MICB: variants seen among roughly 807,000 people sequenced by gnomAD.
The protein encoded by MICB is MHC class I antigen-related protein B.
In MICB, 27 loss-of-function variants were observed where a neutral mutation model predicts 34.3. That is an observed-to-expected ratio of 0.79 (90% CI 0.58 to 1.08). The LOEUF is 1.08. Ranked by LOEUF, MICB falls within the 50% of genes least tolerant of loss-of-function variation. The probability of loss-of-function intolerance (pLI) is 0.00; values close to 1 mark genes in which losing one functional copy is unlikely to be tolerated. For synonymous variants in MICB, 153 were observed against 187.4 expected (o/e 0.82, Z 1.50); for missense variants, 426 against 483.1 (o/e 0.88, Z 1.11).
At chr6:31,503,949 C>CTGTGTG (rs9279324) in intron 1 of MICB, among the ~76,000 whole-genome samples, 1,877 of 97,504 alleles carry the variant, frequency 0.019, 20 homozygotes, top group South Asian at 0.068. Flanking sequence ...GCCAAACTTG[C>CTGTGTG]TGTGTGTGTG....
intron 1 of MICB, among the ~76,000 whole-genome samples, chr6:31,499,078 G>C (rs1162129551): frequency 6.6e-6 from 1 of 152,066 alleles, no homozygotes; most frequent in Non-Finnish European, 1.5e-5. Flanking sequence ...CCTTTCTTGG[G>C]ACCCGGAGGT....
upstream of MICB, chr6:31,498,121 C>T (rs1208510811): frequency 1.1e-5 from 15 of 1,315,344 alleles, no homozygotes; most frequent in Middle Eastern, 1.9e-4. Context: ...GACTAAATTT[C>T]GACGGGGTCT....
At chr6:31,496,748 T>C (rs1764690516), upstream of MICB, 1 of 152,550 alleles carries the variant, frequency 6.6e-6, no homozygotes, top group Non-Finnish European at 1.5e-5. Context: ...CTATAACTGG[T>C]TGTGATCAAT....
rs1765423819 is a variant in MICB, at chr6:31,507,503, G to C, written c.996G>C (p.Lys332Asn). The change falls in exon 5 of 6, where the codon AAG becomes AAC. Residue 332 changes from lysine to asparagine, a missense_variant. Physicochemically the swap from Lys to Asn is moderately conservative, Grantham distance 94 (BLOSUM62 0). Transcript: ENST00000252229. The surrounding 1 kb of genome is among the most constrained non-coding windows in gnomAD (Gnocchi z 6.0). ...IIIILCVPCCKKKTSAAEGPE... is the reference protein window; with the variant it reads ...IIIILCVPCCNKKTSAAEGPE... ...TTATTCTCTGTGTCCCTTGTTGCAAGAAGAAAACATCAGCGGCAGAGGGTC... is the reference window on the plus strand; with the variant it reads ...TTATTCTCTGTGTCCCTTGTTGCAACAAGAAAACATCAGCGGCAGAGGGTC... 9 of 1,614,212 alleles carry C rather than the reference G, an allele frequency of 5.6e-6. No individual in the cohort carries two copies. Among genetic ancestry groups the C allele is most frequent in the Non-Finnish European group, 7.6e-6 (9 of 1,180,030 alleles).
upstream of MICB, chr6:31,498,032 G>A: frequency 2.4e-6 from 1 of 410,792 alleles, no homozygotes; most frequent in Non-Finnish European, 4.3e-6. Context: ...ACGTGGCCCC[G>A]CCCTCTCCAC....
In MICB at chr6:31,498,181, C is replaced by A; in HGVS notation, c.-13C>A. ...CACTGCTGAGCAGCTGAGAAGGTGG[C>A]GACGTAGGGGCCATGGGGCTGGGCC... On this transcript the variant is annotated 5_prime_UTR_variant, in exon 1 of 6. Coordinates refer to ENST00000252229, the MANE Select transcript of MICB (RefSeq NM_005931.5). The A allele has an allele frequency of 6.4e-7, 1 of 1,574,046 alleles. No homozygotes were observed.
chr6:31,495,933 G>A (rs1380921805), upstream of MICB, among the ~76,000 whole-genome samples: 1 of 152,070 alleles, frequency 6.6e-6, no homozygotes, highest in African/African-American at 2.4e-5. Context: ...TCAAGACAGG[G>A]CACAGTCGGT....
At chr6:31,506,687 G>A (rs954761242) in intron 3 of MICB, among the ~76,000 whole-genome samples, 1 of 152,174 alleles carries the variant, frequency 6.6e-6, no homozygotes, top group Non-Finnish European at 1.5e-5. Flanking sequence ...GAGTTAGGCA[G>A]GAGAGGAAGC....
intron 3 of MICB, 136 bp from the exon 4 acceptor site, chr6:31,506,886 G>A (rs1765366212): frequency 2.9e-6 from 4 of 1,401,086 alleles, no homozygotes; most frequent in East Asian, 4.9e-5. Context: ...GCCCCAGGGT[G>A]AGGACAGACT....
chr6:31,495,139 C>T (rs1011341232), upstream of MICB: 4 of 152,356 alleles, frequency 2.6e-5, no homozygotes, highest in African/African-American at 9.7e-5. Flanking sequence ...AGCAACTCCC[C>T]TGGAGCTCAA....
At chr6:31,502,399 T>A (rs994181160) in intron 1 of MICB, among the ~76,000 whole-genome samples, 12 of 152,380 alleles carry the variant, frequency 7.9e-5, no homozygotes, top group Admixed American at 7.2e-4. Context: ...TTCCATTTTT[T>A]GTGTCCTCTT....
chr6:31,509,201 G>A (rs1276242914), intron 5 of MICB, among the ~76,000 whole-genome samples: 2 of 152,120 alleles, frequency 1.3e-5, no homozygotes, highest in South Asian at 4.1e-4. Context: ...CGAGCAAGGT[G>A]GGGGGTCCCA....
chr6:31,498,326 G>A (rs1295508465), intron 1 of MICB, 63 bp downstream of exon 1: 2 of 1,405,782 alleles, frequency 1.4e-6, no homozygotes, highest in African/African-American at 2.9e-5. Context: ...CGGGGGTCCG[G>A]GTGGGTTGCC....
Position 31,507,623 on chromosome 6 carries a change from A to G in MICB, c.1024+92A>G. 6.6e-7 allele frequency: 1 copy of G among 1,509,890 alleles called. No homozygotes were observed. The highest frequency in any genetic ancestry group is 1.2e-5 in the South Asian group (1 of 83,960). 93.5% of individuals were successfully genotyped at this position (1,509,890 alleles called of 1,614,324 possible). A position where few individuals can be genotyped will look rare whatever the true frequency, so the allele number is the denominator to read the frequency against. On this transcript the variant is annotated intron_variant, in intron 5 of 5. Transcript: ENST00000252229. This position sits in a 1 kb window ranked among gnomAD's most constrained non-coding sequence, Gnocchi z 6.0. ...CTCCTGCCCAGACAAGACGTAGGTGACAAGGCTGCTGGGACAGGGGATGGA... is the reference window on the plus strand; with the variant it reads ...CTCCTGCCCAGACAAGACGTAGGTGGCAAGGCTGCTGGGACAGGGGATGGA...
intron 5 of MICB, among the ~76,000 whole-genome samples, chr6:31,509,201 G>C (rs1276242914): frequency 6.6e-6 from 1 of 152,120 alleles, no homozygotes; most frequent in East Asian, 1.9e-4. Context: ...CGAGCAAGGT[G>C]GGGGGTCCCA....
At chr6:31,505,091 G>A (rs1245660393) in intron 1 of MICB, among the ~76,000 whole-genome samples, 1 of 151,918 alleles carries the variant, frequency 6.6e-6, no homozygotes, top group African/African-American at 2.4e-5. Flanking sequence ...CTTCACTGGG[G>A]CTACAACCTT....
intron 1 of MICB, among the ~76,000 whole-genome samples, chr6:31,501,444 C>A (rs1765013541): frequency 1.3e-5 from 2 of 152,130 alleles, no homozygotes; most frequent in Non-Finnish European, 2.9e-5. Flanking sequence ...TTGATATGAT[C>A]CCATTTATGC....
upstream of MICB, among the ~76,000 whole-genome samples, chr6:31,497,514 GGGGGGACCT>G (rs1325994050): frequency 1.3e-5 from 2 of 152,136 alleles, no homozygotes; most frequent in African/African-American, 4.8e-5. Flanking sequence ...GGGGGTGAAA[GGGGGGACCT>G]GGCTTTGAGT....
rs751152310 is a variant in MICB, at chr6:31,507,226, G to T, written c.818G>T (p.Arg273Leu). The change falls in exon 4 of 6, where the codon CGC becomes CTC. Residue 273 changes from arginine (R) to leucine (L), a missense_variant. Arg to Leu is a moderately radical substitution (Grantham distance 102, BLOSUM62 -2). Transcript: ENST00000252229. The surrounding 1 kb of genome is among the most constrained non-coding windows in gnomAD (Gnocchi z 6.0). ...CAGACCTGGGTGGCCACCAGGATTC[G>T]CCAAGGAGAGGAGCAGAGGTTCACC... ...TYQTWVATRI[R>L]QGEEQRFTCY... The T allele has an allele frequency of 7.4e-6, 12 of 1,614,076 alleles. No individual in the cohort carries two copies. Among genetic ancestry groups the T allele is most frequent in the Non-Finnish European group, 1.0e-5 (12 of 1,180,006 alleles).
Sources: allele counts gnomAD v4.1 joint callset (sites outside exome capture counted in the v4.1 genomes callset), GRCh38; gene constraint gnomAD v4.1.1; non-coding constraint Gnocchi (gnomAD v3.1); transcripts MANE v1.5; gene names NCBI Gene and HGNC (gene_info 2026-07-23, HGNC 2026-07-21).